The following ETV6 variants were observed in gnomAD, a reference collection of about 807,000 sequenced individuals.
The protein encoded by ETV6 is ETS variant transcription factor 6, also known as transcription factor ETV6.
ETV6 carries 16 observed loss-of-function variants against 51.1 expected under a neutral mutation model. The ratio of observed to expected loss-of-function variants is 0.31; its 90% CI spans 0.21 to 0.48. The LOEUF (loss-of-function observed/expected upper bound fraction) is 0.48. Among genes scored for constraint, ETV6 ranks in the 20% least tolerant of loss-of-function variants. The probability of loss-of-function intolerance (pLI) is 0.99; values close to 1 mark genes in which losing one functional copy is unlikely to be tolerated. For synonymous variants in ETV6, 240 were observed against 224.1 expected (o/e 1.07, Z -0.64); for missense variants, 458 against 594.8 (o/e 0.77, Z 2.39).
intron 2 of ETV6, among the ~76,000 whole-genome samples, chr12:11,802,519 C>T (rs1247738065): frequency 6.6e-6 from 1 of 152,216 alleles, no homozygotes; most frequent in African/African-American, 2.4e-5. Flanking sequence ...TTTCAGCTCT[C>T]ACTTATGAAC....
chr12:11,776,137 C>T (rs1945320707), intron 2 of ETV6, among the ~76,000 whole-genome samples: 1 of 152,184 alleles, frequency 6.6e-6, no homozygotes. Flanking sequence ...GGGCTCAAGA[C>T]TAAGCCCAGG....
At chr12:11,858,588 A>G (rs1321832369) in intron 4 of ETV6, among the ~76,000 whole-genome samples, 4 of 152,096 alleles carry the variant, frequency 2.6e-5, no homozygotes, top group Admixed American at 2.6e-4. Context: ...CAAGATCCGG[A>G]TTTCTCAAAC....
chr12:11,859,427 C>T (rs1946682131), intron 4 of ETV6, among the ~76,000 whole-genome samples: 1 of 152,040 alleles, frequency 6.6e-6, no homozygotes, highest in African/African-American at 2.4e-5. Context: ...AAGCATGAGC[C>T]ACCACACCCG....
At chr12:11,711,528 G>A (rs1865171451) in intron 1 of ETV6, among the ~76,000 whole-genome samples, 1 of 152,164 alleles carries the variant, frequency 6.6e-6, no homozygotes, top group Non-Finnish European at 1.5e-5. Flanking sequence ...CTCTCACATA[G>A]ATACCAGTAT....
At chr12:11,774,458 C>T (rs892643688) in intron 2 of ETV6, among the ~76,000 whole-genome samples, 1 of 152,168 alleles carries the variant, frequency 6.6e-6, no homozygotes, top group African/African-American at 2.4e-5. Flanking sequence ...TTCATGTCAT[C>T]AGTTAAAGTG....
intron 1 of ETV6, among the ~76,000 whole-genome samples, chr12:11,669,776 G>A (rs1395289108): frequency 6.6e-6 from 1 of 152,022 alleles, no homozygotes; most frequent in African/African-American, 2.4e-5. Context: ...TCTTGGTCCT[G>A]CCTCATTTTA....
At chr12:11,687,193 G>A (rs1341143429) in intron 1 of ETV6, among the ~76,000 whole-genome samples, 4 of 53,652 alleles carry the variant, frequency 7.5e-5, no homozygotes, top group Admixed American at 5.5e-4. Context: ...CCACCCCACC[G>A]CCCCACCTTT....
chr12:11,821,995 A>G (rs1443259327), intron 2 of ETV6, among the ~76,000 whole-genome samples: 2 of 152,254 alleles, frequency 1.3e-5, no homozygotes, highest in Non-Finnish European at 2.9e-5. Context: ...CAGGCCTTGC[A>G]TCCGCTGTTC....
chr12:11,848,983 G>C (rs1946507173), intron 3 of ETV6, among the ~76,000 whole-genome samples: 1 of 152,178 alleles, frequency 6.6e-6, no homozygotes, highest in Non-Finnish European at 1.5e-5. Context: ...TCTGAAAAAT[G>C]CCCTTTGAAT....
At chr12:11,835,527 G>A (rs768871752) in intron 2 of ETV6, among the ~76,000 whole-genome samples, 1 of 152,208 alleles carries the variant, frequency 6.6e-6, no homozygotes, top group African/African-American at 2.4e-5. Context: ...AGACTCTCAA[G>A]ACCAAGCACC....
At position 11,892,891 on chromosome 12, in the gene ETV6, C is replaced by G. The variant is rs903355842; in HGVS notation, c.*1845C>G. Reference sequence around the variant, plus strand: ...AGGACACTGGAATTGAGGAGCTGATCAAGGCTCTCTTCAGCCTTGCTCTGT... The same window carrying G: ...AGGACACTGGAATTGAGGAGCTGATGAAGGCTCTCTTCAGCCTTGCTCTGT... On this transcript the variant is annotated 3_prime_UTR_variant, in exon 8 of 8. Transcript: ENST00000396373. The G allele has an allele frequency of 1.3e-4, 31 of 232,996 alleles. No individual in the cohort carries two copies. The highest frequency in any genetic ancestry group is 6.2e-4 in the African/African-American group (28 of 45,322). The allele number at this position is 232,996 out of a possible 1,614,324, so 14.4% of individuals were successfully genotyped here.
chr12:11,665,037 G>A (rs981211090), intron 1 of ETV6, among the ~76,000 whole-genome samples: 5 of 152,142 alleles, frequency 3.3e-5, no homozygotes, highest in African/African-American at 1.2e-4. Flanking sequence ...TTTCTCAGGA[G>A]GACATGGTCT....
At chr12:11,791,339 A>G (rs916828521) in intron 2 of ETV6, among the ~76,000 whole-genome samples, 1 of 152,196 alleles carries the variant, frequency 6.6e-6, no homozygotes, top group Non-Finnish European at 1.5e-5. Context: ...GCTAAAATTA[A>G]CTTCCTCCTC....
intron 1 of ETV6, 105 bp downstream of exon 1, chr12:11,650,265 C>A (rs187750934): frequency 3.0e-6 from 3 of 1,002,128 alleles, no homozygotes; most frequent in African/African-American, 1.6e-5. Flanking sequence ...TTGCTCTGTT[C>A]GCAGGAAATT....
chr12:11,858,405 T>TA (rs35490088), intron 4 of ETV6, among the ~76,000 whole-genome samples: 53,055 of 147,428 alleles, frequency 0.36, 11,005 homozygotes, highest in South Asian at 0.54. Context: ...TATATATATA[T>TA]TTTTTTTTAA....
intron 1 of ETV6, among the ~76,000 whole-genome samples, chr12:11,657,949 A>G (rs1416502136): frequency 6.6e-6 from 1 of 152,242 alleles, no homozygotes; most frequent in Non-Finnish European, 1.5e-5. Flanking sequence ...GGGGAAGAGT[A>G]CAGACAATGG....
intron 1 of ETV6, among the ~76,000 whole-genome samples, chr12:11,697,854 C>G (rs1864906424): frequency 6.6e-6 from 1 of 152,166 alleles, no homozygotes; most frequent in Non-Finnish European, 1.5e-5. Context: ...ACTTGTGAAT[C>G]CTTCCCATAA....
intron 2 of ETV6, among the ~76,000 whole-genome samples, chr12:11,756,238 G>T (rs1157410284): frequency 1.3e-5 from 2 of 152,194 alleles, no homozygotes; most frequent in East Asian, 3.9e-4. Flanking sequence ...GCCCAGGGAA[G>T]AAAGGCCAGA....
In ETV6 at chr12:11,894,356, T is replaced by G. The variant is rs1390022925; in HGVS notation, c.*3310T>G. 1.7e-5 allele frequency: 4 copies of G among 232,998 alleles called. No homozygotes were observed. Among genetic ancestry groups the G allele is most frequent in the South Asian group, 1.8e-4 (1 of 5,534 alleles). 14.4% of individuals were successfully genotyped at this position (232,998 alleles called of 1,614,324 possible). ...CTCAAGCTAGCCAGGCAGTCTCCTC[T>G]CTATCAGAAGAAAGCACTGGTAATT... On this transcript the variant is annotated 3_prime_UTR_variant, in exon 8 of 8. Transcript: ENST00000396373.
Sources: allele counts gnomAD v4.1 joint callset (sites outside exome capture counted in the v4.1 genomes callset), GRCh38; gene constraint gnomAD v4.1.1; transcripts MANE v1.5; gene names NCBI Gene and HGNC (gene_info 2026-07-23, HGNC 2026-07-21).